Variants in AUTS2 observed in about 807,000 individuals in gnomAD.
AUTS2 encodes autism susceptibility gene 2 protein.
A neutral mutation model predicts 112.4 loss-of-function variants in AUTS2; 17 were observed. The observed-to-expected ratio is 0.15, with a 90% CI of 0.10 to 0.23. The LOEUF is 0.23. AUTS2 is among the 10% of genes least tolerant of loss of function. AUTS2 has a pLI of 1.00. For synonymous variants in AUTS2, 751 were observed against 702.7 expected (o/e 1.07, Z -1.09); for missense variants, 1,510 against 1,701.6 (o/e 0.89, Z 1.98).
At chr7:70,073,042 C>G in intron 2 of AUTS2, among the ~76,000 whole-genome samples, 1 of 133,978 alleles carries the variant, frequency 7.5e-6, no homozygotes. Flanking sequence ...CTCCCTTCCC[C>G]TCCCCTCTCC....
rs12334187 is a variant in AUTS2, at chr7:69,629,282, C to G, written c.309+29320C>G. Among the ~76,000 whole-genome samples the G allele has an allele frequency of 5.8e-3, 887 of 152,302 alleles. 9 individuals carry two copies. The highest frequency in any genetic ancestry group is 0.021 in the African/African-American group (855 of 41,580). On this transcript the variant is annotated intron_variant, in intron 1 of 18. Transcript: ENST00000342771. ...TGGCAGCCACCGTTTACCACCTTAA[C>G]TTTTCTGAGCATGTTTTATTATTGG...
chr7:70,297,777 A>G (rs2129612908), intron 4 of AUTS2, among the ~76,000 whole-genome samples: 1 of 152,284 alleles, frequency 6.6e-6, no homozygotes, highest in South Asian at 2.1e-4. Flanking sequence ...CAGAAGGAAG[A>G]CATTGTTAGA....
intron 5 of AUTS2, among the ~76,000 whole-genome samples, chr7:70,447,767 A>G (rs1796374698): frequency 6.6e-6 from 1 of 152,250 alleles, no homozygotes; most frequent in Non-Finnish European, 1.5e-5. Flanking sequence ...TTGTAACTCT[A>G]ACATCCAACA....
chr7:70,601,861 T>C (rs983816536), intron 5 of AUTS2, among the ~76,000 whole-genome samples: 1 of 152,182 alleles, frequency 6.6e-6, no homozygotes, highest in Non-Finnish European at 1.5e-5. Context: ...ATGACCTGCC[T>C]CCACCATTTC....
intron 2 of AUTS2, among the ~76,000 whole-genome samples, chr7:70,031,360 G>A (rs1177443631): frequency 6.6e-6 from 1 of 152,120 alleles, no homozygotes; most frequent in African/African-American, 2.4e-5. Context: ...GTTCAGAATG[G>A]CTTGTTAACT....
At chr7:69,613,310 G>C (rs953157775) in intron 1 of AUTS2, among the ~76,000 whole-genome samples, 1 of 152,166 alleles carries the variant, frequency 6.6e-6, no homozygotes, top group African/African-American at 2.4e-5. Context: ...TTTAGGGAGG[G>C]GAGAGTACTT....
Position 70,631,830 on chromosome 7 carries a change from G to A in AUTS2, c.691-66739G>A, listed in dbSNP as rs991795526. 6.6e-6 allele frequency among the ~76,000 whole-genome samples: 1 copy of A among 152,054 alleles called. No individual in the cohort carries two copies. Among genetic ancestry groups the A allele is most frequent in the Non-Finnish European group, 1.5e-5 (1 of 68,016 alleles). On this transcript the variant is annotated intron_variant, in intron 5 of 18. Coordinates refer to ENST00000342771, the MANE Select transcript of AUTS2 (RefSeq NM_015570.4). This position sits in a 1 kb window ranked among gnomAD's most constrained non-coding sequence, Gnocchi z 4.5. ...CGCGCCCGTGTGTGCTAACTTGCTA[G>A]GGGGCAGGGCGCACTCTGCCGCTTT...
chr7:70,255,933 C>G (rs1278745926), intron 4 of AUTS2, among the ~76,000 whole-genome samples: 1 of 152,202 alleles, frequency 6.6e-6, no homozygotes, highest in Non-Finnish European at 1.5e-5. Context: ...TAACTTTTCC[C>G]TTTGTTTAAC....
chr7:70,660,722 A>G (rs1424602352), intron 5 of AUTS2, among the ~76,000 whole-genome samples: 1 of 152,154 alleles, frequency 6.6e-6, no homozygotes, highest in Non-Finnish European at 1.5e-5. Flanking sequence ...CTGTTGGTTT[A>G]TTCAACCCCA....
chr7:69,604,471 T>TA (rs1792602884), intron 1 of AUTS2, among the ~76,000 whole-genome samples: 1 of 152,242 alleles, frequency 6.6e-6, no homozygotes, highest in Admixed American at 6.5e-5. Context: ...TTGAAACAGG[T>TA]ACTTGAATGC....
intron 2 of AUTS2, among the ~76,000 whole-genome samples, chr7:70,094,514 T>C (rs1804087386): frequency 6.6e-6 from 1 of 152,260 alleles, no homozygotes; most frequent in South Asian, 2.1e-4. Flanking sequence ...CTTCTCCCTT[T>C]TCACTCTAGC....
intron 5 of AUTS2, among the ~76,000 whole-genome samples, chr7:70,496,882 G>A (rs1437754467): frequency 1.1e-4 from 10 of 90,296 alleles, no homozygotes; most frequent in Admixed American, 4.2e-4. Flanking sequence ...ACATGCACAC[G>A]TCACATCAGC....
intron 1 of AUTS2, among the ~76,000 whole-genome samples, chr7:69,801,567 T>C (rs1445530179): frequency 6.6e-6 from 1 of 151,754 alleles, no homozygotes; most frequent in Non-Finnish European, 1.5e-5. Flanking sequence ...TATGTTTGTG[T>C]ATGTATAATA....
At chr7:70,349,837 G>A (rs1791668464) in intron 4 of AUTS2, among the ~76,000 whole-genome samples, 1 of 152,190 alleles carries the variant, frequency 6.6e-6, no homozygotes, top group South Asian at 2.1e-4. Flanking sequence ...TCTCATTTCT[G>A]TTCTTAATCA....
intron 2 of AUTS2, among the ~76,000 whole-genome samples, chr7:69,938,665 T>A (rs942753007): frequency 3.9e-5 from 6 of 152,074 alleles, no homozygotes; most frequent in Non-Finnish European, 8.8e-5. Flanking sequence ...CCTAGGGAAG[T>A]GCAATGAGCA....
At chr7:70,486,005 A>AATAAATAAATAAAT (rs1562985624) in intron 5 of AUTS2, among the ~76,000 whole-genome samples, 36 of 130,604 alleles carry the variant, frequency 2.8e-4, no homozygotes, top group Middle Eastern at 8.6e-3. Flanking sequence ...AATAAATAAT[A>AATAAATAAATAAAT]AATAAATAAA....
intron 1 of AUTS2, among the ~76,000 whole-genome samples, chr7:69,868,368 C>T (rs1157788680): frequency 6.6e-6 from 1 of 152,120 alleles, no homozygotes; most frequent in Non-Finnish European, 1.5e-5. Context: ...AAGTATTCAA[C>T]AATTTTTTCC....
intron 2 of AUTS2, among the ~76,000 whole-genome samples, chr7:69,995,498 C>T (rs2129552004): frequency 6.6e-6 from 1 of 151,908 alleles, no homozygotes; most frequent in East Asian, 1.9e-4. Flanking sequence ...GAAGGGTTCT[C>T]CCTCCTTCTA....
At chr7:69,833,086 G>A (rs980575641) in intron 1 of AUTS2, among the ~76,000 whole-genome samples, 2 of 152,146 alleles carry the variant, frequency 1.3e-5, no homozygotes, top group African/African-American at 4.8e-5. Flanking sequence ...GCTTTAAACA[G>A]AATCAACTAG....
Sources: allele counts gnomAD v4.1 joint callset (sites outside exome capture counted in the v4.1 genomes callset), GRCh38; gene constraint gnomAD v4.1.1; non-coding constraint Gnocchi (gnomAD v3.1); transcripts MANE v1.5; gene names NCBI Gene and HGNC (gene_info 2026-07-23, HGNC 2026-07-21).